PCDH11X: variants seen among roughly 807,000 people sequenced by gnomAD.
PCDH11X encodes protocadherin-11 X-linked.
PCDH11X carries 18 observed loss-of-function variants against 53.3 expected under a neutral mutation model. That is an observed-to-expected ratio of 0.34 (90% confidence interval 0.23 to 0.50). The LOEUF (loss-of-function observed/expected upper bound fraction) is 0.50. Ranked by LOEUF, PCDH11X falls within the 20% of genes least tolerant of loss-of-function variation. The probability of loss-of-function intolerance (pLI) is 0.98; values close to 1 mark genes in which losing one functional copy is unlikely to be tolerated. For synonymous variants in PCDH11X, 279 were observed against 393.3 expected (o/e 0.71, Z 3.44); for missense variants, 570 against 1,032.4 (o/e 0.55, Z 6.14).
At chrX:91,908,288 T>C (rs1285453723) in intron 6 of PCDH11X, among the ~76,000 whole-genome samples, 1 of 111,393 alleles carries the variant, frequency 9.0e-6, no homozygotes, top group Non-Finnish European at 1.9e-5. Context: ...ATATCCAGCC[T>C]CTATAAGAAA....
chrX:92,575,096 C>T (rs976502866), intron 10 of PCDH11X, among the ~76,000 whole-genome samples: 3 of 110,463 alleles, frequency 2.7e-5, no homozygotes, highest in African/African-American at 9.8e-5. Context: ...ATTTGGTTTG[C>T]TATATTATTT....
intron 9 of PCDH11X, among the ~76,000 whole-genome samples, chrX:92,424,292 C>A (rs1190042425): frequency 4.3e-5 from 4 of 92,751 alleles, no homozygotes; most frequent in African/African-American, 1.4e-4. Context: ...CTGGATAATG[C>A]TGATTTTTTT....
At chrX:92,321,896 T>G (rs2069222667) in intron 8 of PCDH11X, among the ~76,000 whole-genome samples, 1 of 108,183 alleles carries the variant, frequency 9.2e-6, no homozygotes, top group Admixed American at 1.0e-4. Flanking sequence ...TATTAATTTC[T>G]CAACCATTAT....
intron 4 of PCDH11X, among the ~76,000 whole-genome samples, chrX:91,815,215 A>G (rs1175479032): frequency 4.5e-5 from 5 of 112,144 alleles, no homozygotes; most frequent in Non-Finnish European, 7.5e-5. Flanking sequence ...TTTTAATGCC[A>G]GGATAGTTTA....
intron 6 of PCDH11X, among the ~76,000 whole-genome samples, chrX:91,964,514 C>A (rs968514217): frequency 8.9e-6 from 1 of 111,898 alleles, no homozygotes; most frequent in Non-Finnish European, 1.9e-5. Flanking sequence ...TGAACAATAT[C>A]ATTTCTTATT....
chrX:91,821,493 A>G (rs1936680017), intron 4 of PCDH11X, among the ~76,000 whole-genome samples: 1 of 110,935 alleles, frequency 9.0e-6, no homozygotes, highest in Admixed American at 9.6e-5. Flanking sequence ...TTGGTGTATA[A>G]GAATGCTTGT....
chrX:92,068,171 T>G (rs1171868209), intron 6 of PCDH11X, among the ~76,000 whole-genome samples: 1 of 108,849 alleles, frequency 9.2e-6, no homozygotes, highest in Non-Finnish European at 1.9e-5. Flanking sequence ...CTGATCTTTA[T>G]TAATTTCTTT....
At chrX:92,491,266 A>G (rs2073759874) in intron 10 of PCDH11X, among the ~76,000 whole-genome samples, 1 of 111,059 alleles carries the variant, frequency 9.0e-6, no homozygotes, top group Admixed American at 9.6e-5. Flanking sequence ...AATAAATCGC[A>G]CTTTGAAAAT....
chrX:92,066,859 T>A (rs112159325), intron 6 of PCDH11X, among the ~76,000 whole-genome samples: 1 of 112,192 alleles, frequency 8.9e-6, no homozygotes, highest in South Asian at 3.6e-4. Context: ...ATCCCAGCAC[T>A]TTGGGAGGCC....
At chrX:92,152,689 A>G (rs1195035279) in intron 6 of PCDH11X, among the ~76,000 whole-genome samples, 2 of 112,413 alleles carry the variant, frequency 1.8e-5, no homozygotes, top group Non-Finnish European at 3.8e-5. Context: ...GCAAAAAACT[A>G]AAGTATTAAA....
intron 6 of PCDH11X, among the ~76,000 whole-genome samples, chrX:92,146,868 C>T (rs2148226183): frequency 9.1e-6 from 1 of 109,960 alleles, no homozygotes; most frequent in African/African-American, 3.3e-5. Context: ...GTGTGGTTGT[C>T]CATGCCTGTG....
intron 4 of PCDH11X, among the ~76,000 whole-genome samples, chrX:91,818,050 G>T (rs1309765313): frequency 1.8e-5 from 2 of 111,384 alleles, no homozygotes; most frequent in African/African-American, 6.5e-5. Context: ...AAATATTTCA[G>T]CATTTCTAAT....
In PCDH11X at chrX:92,497,850, A is replaced by G. The variant is rs757134071; in HGVS notation, c.3367+29528A>G. On this transcript the variant is annotated intron_variant, in intron 10 of 10. Transcript: ENST00000682573. ...AAACAAGGCTAATATAGGACTAAAC[A>G]GCTGTCTTAAATTATTTGTAATCAA... Among the ~76,000 whole-genome samples the G allele has an allele frequency of 2.7e-5, 3 of 111,007 alleles. No homozygotes were observed. The Admixed American group carries it at 2.9e-4, about 11-fold the overall frequency.
intron 6 of PCDH11X, among the ~76,000 whole-genome samples, chrX:91,971,888 C>A (rs1450304872): frequency 1.8e-5 from 2 of 111,036 alleles, no homozygotes; most frequent in African/African-American, 3.3e-5. Context: ...AATAAAACTA[C>A]CTGAAATGGT....
rs34639459 is a variant in PCDH11X at position 92,050,021 on chromosome X, C to T, written c.3034-151354C>T. Among the ~76,000 whole-genome samples, 34 of 112,097 alleles carry T rather than the reference C, an allele frequency of 3.0e-4. 1 individual carries two copies. The highest frequency in any genetic ancestry group is 2.2e-3 in the Admixed American group (23 of 10,532). On this transcript the variant is annotated intron_variant, in intron 6 of 10. Coordinates refer to ENST00000682573, the MANE Select transcript of PCDH11X (RefSeq NM_032968.5). ...AACTCCTGACCTCAGGTGATCTGCC[C>T]GCCTCGGCCTCCCAAGGTGCTGGGA...
At chrX:92,457,372 G>A (rs1297469274) in intron 9 of PCDH11X, among the ~76,000 whole-genome samples, 6 of 105,500 alleles carry the variant, frequency 5.7e-5, no homozygotes, top group South Asian at 8.1e-4. Context: ...ATATATTAGA[G>A]AGAAAAAATA....
At position 91,903,888 on chromosome X, in the gene PCDH11X, A is replaced by G. The variant is rs548756649; in HGVS notation, c.3033+24615A>G. Among the ~76,000 whole-genome samples, 160 of 110,662 alleles carry G rather than the reference A, an allele frequency of 1.4e-3. 3 individuals carry two copies. The South Asian group carries it at 0.06, about 42-fold the overall frequency. ...GAGGTGGGAAATGAAAATAGGGACT[A>G]ACGAATGAGATGGTGGAGGGGATCA... On this transcript the variant is annotated intron_variant, in intron 6 of 10. Coordinates refer to ENST00000682573, the MANE Select transcript of PCDH11X (RefSeq NM_032968.5).
intron 8 of PCDH11X, among the ~76,000 whole-genome samples, chrX:92,283,879 G>T (rs1380139790): frequency 9.0e-6 from 1 of 111,397 alleles, no homozygotes; most frequent in Non-Finnish European, 1.9e-5. Context: ...TTACTTTACT[G>T]TCCTTTATTT....
rs1473163352 is a variant in PCDH11X, at chrX:92,132,622, AATATATATATATGTATATATAT to A, written c.3034-68728_3034-68707del. Reference sequence around the variant, plus strand: ...AACTCCGTCTCAAAAGAAAAAAAGAAATATATATATATGTATATATATATATATATATATGTATATATATATG... The same window carrying A: ...AACTCCGTCTCAAAAGAAAAAAAGAAATATATATATATGTATATATATATG... On this transcript the variant is annotated intron_variant, in intron 6 of 10. Transcript: ENST00000682573. Among the ~76,000 whole-genome samples, 648 of 83,730 alleles carry A rather than the reference AATATATATATATGTATATATAT, an allele frequency of 7.7e-3. 5 individuals are homozygous for A. Among genetic ancestry groups the A allele is most frequent in the African/African-American group, 0.021 (465 of 21,903 alleles). 72.7% of individuals were successfully genotyped at this position (83,730 alleles called of 115,157 possible).
Sources: gnomAD v4.1 joint callset for allele counts (sites outside exome capture counted in the v4.1 genomes callset) on GRCh38, gnomAD v4.1.1 for gene constraint, MANE v1.5 for transcripts, NCBI Gene and HGNC (gene_info 2026-07-23, HGNC 2026-07-21) for gene names.